Variants in EYS observed in about 807,000 individuals in gnomAD.
EYS encodes protein eyes shut homolog.
Under a neutral mutation model 282.1 loss-of-function variants are expected in EYS, and 250 were observed. The observed-to-expected ratio is 0.89, with a 90% CI of 0.80 to 0.98. The LOEUF (loss-of-function observed/expected upper bound fraction) is 0.98. EYS is among the 50% of genes least tolerant of loss of function. EYS has a pLI of 0.00. For synonymous variants in EYS, 1,355 were observed against 1,282.9 expected (o/e 1.06, Z -1.20); for missense variants, 4,016 against 3,709.0 (o/e 1.08, Z -2.15).
rs557512345 is a variant in EYS, at chr6:64,885,557, T to G, written c.2992+1140A>C. ...TTCTACATTGATAGCTCAATAATTT[T>G]GAAGATAATGGGCAATGTGAAACTT... On this transcript the variant is annotated intron_variant, in intron 19 of 42. Transcript: ENST00000503581. Among the ~76,000 whole-genome samples, 29 of 151,928 alleles carry G rather than the reference T, an allele frequency of 1.9e-4. 1 individual carries two copies. Among genetic ancestry groups the G allele is most frequent in the Admixed American group, 1.8e-3 (28 of 15,210 alleles).
intron 26 of EYS, among the ~76,000 whole-genome samples, chr6:64,450,228 C>A (rs1460436219): frequency 6.6e-6 from 1 of 152,044 alleles, no homozygotes; most frequent in Non-Finnish European, 1.5e-5. Context: ...ATAAAACAGA[C>A]TTTAAACCAA....
At chr6:65,519,708 A>ATTTTTTTTTT (rs59743261) in intron 2 of EYS, among the ~76,000 whole-genome samples, 8 of 42,562 alleles carry the variant, frequency 1.9e-4, no homozygotes, top group East Asian at 2.2e-3. Flanking sequence ...ATATATATAT[A>ATTTTTTTTTT]TTTTTTTTTT....
At chr6:65,110,545 G>GCATA (rs1775185894) in intron 12 of EYS, among the ~76,000 whole-genome samples, 1 of 151,990 alleles carries the variant, frequency 6.6e-6, no homozygotes, top group Non-Finnish European at 1.5e-5. Flanking sequence ...AACATCTGTG[G>GCATA]CATAGAGCTT....
chr6:65,065,936 T>C (rs1475747329), intron 12 of EYS, among the ~76,000 whole-genome samples: 2 of 152,356 alleles, frequency 1.3e-5, no homozygotes, highest in Admixed American at 6.5e-5. Flanking sequence ...GCTGTCTACA[T>C]TATTTACAGA....
chr6:64,721,394 A>T (rs978438633), intron 22 of EYS, among the ~76,000 whole-genome samples: 2 of 152,098 alleles, frequency 1.3e-5, no homozygotes, highest in African/African-American at 4.8e-5. Flanking sequence ...AGGAGGTGAG[A>T]GATAAAGACT....
chr6:65,397,391 G>A (rs1488731508), intron 7 of EYS, among the ~76,000 whole-genome samples: 1 of 151,768 alleles, frequency 6.6e-6, no homozygotes, highest in Non-Finnish European at 1.5e-5. Flanking sequence ...ACCTTTTAGA[G>A]TCTCCAATAT....
At chr6:65,017,735 C>A (rs540201529) in intron 13 of EYS, among the ~76,000 whole-genome samples, 1 of 152,310 alleles carries the variant, frequency 6.6e-6, no homozygotes, top group Non-Finnish European at 1.5e-5. Flanking sequence ...GCTGTCTAAA[C>A]CACAAAATGG....
At chr6:63,778,665 T>C (rs1770129589) in intron 39 of EYS, among the ~76,000 whole-genome samples, 1 of 152,164 alleles carries the variant, frequency 6.6e-6, no homozygotes, top group South Asian at 2.1e-4. Context: ...GAATATCTTA[T>C]GTGTATATCT....
intron 35 of EYS, among the ~76,000 whole-genome samples, chr6:63,944,640 C>A (rs7757616): frequency 0.32 from 47,997 of 151,946 alleles, 7,645 homozygotes; most frequent in Admixed American, 0.39. Flanking sequence ...TTTAGGAGAA[C>A]TATACTGGCC....
intron 11 of EYS, among the ~76,000 whole-genome samples, chr6:65,309,924 T>C (rs1268685857): frequency 6.6e-6 from 1 of 152,208 alleles, no homozygotes; most frequent in Non-Finnish European, 1.5e-5. Flanking sequence ...TCTACTTTTG[T>C]CTTCCTCCCC....
chr6:64,205,573 C>CT (rs1765586510), intron 31 of EYS, among the ~76,000 whole-genome samples: 1 of 152,084 alleles, frequency 6.6e-6, no homozygotes. Flanking sequence ...ATTAATTCTT[C>CT]TTTTTTATAA....
intron 1 of EYS, among the ~76,000 whole-genome samples, chr6:65,642,603 G>T (rs547018994): frequency 6.6e-6 from 1 of 152,142 alleles, no homozygotes; most frequent in South Asian, 2.1e-4. Context: ...ACACTTACCT[G>T]TTAGACTCTT....
At chr6:63,949,912 G>A (rs1453665858) in intron 35 of EYS, among the ~76,000 whole-genome samples, 5 of 152,074 alleles carry the variant, frequency 3.3e-5, no homozygotes, top group African/African-American at 4.8e-5. Flanking sequence ...GGTGTCTCAC[G>A]CCTGTAATCC....
chr6:64,197,730 T>G lies in EYS; in HGVS notation c.6424+32862A>C, dbSNP rs566636426. 4.6e-5 allele frequency among the ~76,000 whole-genome samples: 7 copies of G among 151,610 alleles called. No individual in the cohort carries two copies. The South Asian group carries it at 1.2e-3, about 27-fold the overall frequency. On this transcript the variant is annotated intron_variant, in intron 31 of 42. Coordinates refer to ENST00000503581, the MANE Select transcript of EYS (RefSeq NM_001142800.2). ...TATATGGTATCTCTTTTTAATCTAT[T>G]TAGTGGTTTTTACTTTAAATTTTAT...
At chr6:64,543,008 G>T (rs1277570762) in intron 26 of EYS, among the ~76,000 whole-genome samples, 1 of 152,080 alleles carries the variant, frequency 6.6e-6, no homozygotes, top group Non-Finnish European at 1.5e-5. Context: ...TAGTTCAAAA[G>T]GAAATGCTGT....
intron 19 of EYS, among the ~76,000 whole-genome samples, chr6:64,857,019 G>A (rs919953693): frequency 3.3e-5 from 5 of 152,084 alleles, no homozygotes; most frequent in African/African-American, 1.2e-4. Flanking sequence ...AGTTATTCCT[G>A]CATCATTTGC....
At chr6:63,981,379 A>G (rs1188670592) in intron 35 of EYS, among the ~76,000 whole-genome samples, 1 of 151,834 alleles carries the variant, frequency 6.6e-6, no homozygotes, top group Non-Finnish European at 1.5e-5. Context: ...AAGAATTAAA[A>G]AAAAATTGTT....
intron 26 of EYS, among the ~76,000 whole-genome samples, chr6:64,450,313 C>T (rs186583022): frequency 4.7e-4 from 71 of 152,182 alleles, no homozygotes; most frequent in African/African-American, 1.5e-3. Context: ...ACTAACTATC[C>T]TAAATATATA....
At chr6:65,507,512 A>C (rs1766700453) in intron 2 of EYS, among the ~76,000 whole-genome samples, 1 of 152,050 alleles carries the variant, frequency 6.6e-6, no homozygotes, top group Non-Finnish European at 1.5e-5. Context: ...TATTTTTTCA[A>C]ATATTTTTTC....
Sources: gnomAD v4.1 joint callset for allele counts (sites outside exome capture counted in the v4.1 genomes callset) on GRCh38, gnomAD v4.1.1 for gene constraint, MANE v1.5 for transcripts, NCBI Gene and HGNC (gene_info 2026-07-23, HGNC 2026-07-21) for gene names.